DPYSL5: variants seen among roughly 807,000 people sequenced by gnomAD.
DPYSL5 encodes dihydropyrimidinase-related protein 5.
In DPYSL5, 9 loss-of-function variants were observed where a neutral mutation model predicts 58.4. That is an observed-to-expected ratio of 0.15 (90% CI 0.09 to 0.27). The LOEUF (loss-of-function observed/expected upper bound fraction) is 0.27. Ranked by LOEUF, DPYSL5 falls within the 10% of genes least tolerant of loss-of-function variation. The pLI, the probability that DPYSL5 is intolerant of heterozygous loss-of-function variation, is 1.00. For synonymous variants in DPYSL5, 293 were observed against 301.9 expected (o/e 0.97, Z 0.31); for missense variants, 499 against 770.6 (o/e 0.65, Z 4.17).
chr2:26,889,293 G>A (rs190921721), intron 1 of DPYSL5, among the ~76,000 whole-genome samples: 6 of 149,466 alleles, frequency 4.0e-5, no homozygotes, highest in Non-Finnish European at 5.9e-5. Flanking sequence ...TTTTTGAGAC[G>A]GAGTCTTGCT....
chr2:26,917,311 G>A (rs547109873), intron 2 of DPYSL5, among the ~76,000 whole-genome samples: 2 of 152,322 alleles, frequency 1.3e-5, no homozygotes, highest in East Asian at 3.9e-4. Context: ...GTAAAAGGAA[G>A]TTTAGGAGTG....
chr2:26,929,795 T>C lies in DPYSL5; in HGVS notation c.669+1472T>C, dbSNP rs142509358. Among the ~76,000 whole-genome samples the C allele has an allele frequency of 7.9e-5, 12 of 152,382 alleles. No homozygotes were observed. In the East Asian group the frequency reaches 2.1e-3, roughly 27 times the overall value. ...CTGGCTTTATCCCTGTGCACAGTTT[T>C]GCATGGCATTGACACAAATCCCCTA... On this transcript the variant is annotated intron_variant, in intron 5 of 12. Coordinates refer to ENST00000288699, the MANE Select transcript of DPYSL5 (RefSeq NM_020134.4).
chr2:26,868,425 A>G (rs547834198), intron 1 of DPYSL5, among the ~76,000 whole-genome samples: 3 of 152,288 alleles, frequency 2.0e-5, no homozygotes, highest in Admixed American at 1.3e-4. Context: ...CCTTGGTGGT[A>G]CGCAGTCTCC....
At chr2:26,869,738 G>A (rs1462165652) in intron 1 of DPYSL5, among the ~76,000 whole-genome samples, 2 of 152,110 alleles carry the variant, frequency 1.3e-5, no homozygotes, top group African/African-American at 2.4e-5. Flanking sequence ...TCGGCCGGAC[G>A]CGGTGGCTCA....
At chr2:26,853,553 G>C (rs900261393) in intron 1 of DPYSL5, among the ~76,000 whole-genome samples, 1 of 152,192 alleles carries the variant, frequency 6.6e-6, no homozygotes, top group Non-Finnish European at 1.5e-5. Context: ...ATTACCATCT[G>C]TATCAGTTCT....
intron 2 of DPYSL5, among the ~76,000 whole-genome samples, chr2:26,906,727 C>G (rs182038364): frequency 1.1e-3 from 162 of 152,292 alleles, no homozygotes; most frequent in Non-Finnish European, 1.9e-3. Flanking sequence ...TACATCTCCA[C>G]TCCACCTATT....
At position 26,926,566 on chromosome 2, in the gene DPYSL5, C is replaced by A. The variant is rs145104677; in HGVS notation, c.421-687C>A. Among the ~76,000 whole-genome samples the A allele has an allele frequency of 3.3e-5, 5 of 152,332 alleles. No homozygotes were observed. The East Asian group carries it at 5.8e-4, about 18-fold the overall frequency. ...AAGTACATAATCCAGTAACCCCCAGCACCATCCCTGCTGTTAAACTTCTTT... is the reference window on the plus strand; with the variant it reads ...AAGTACATAATCCAGTAACCCCCAGAACCATCCCTGCTGTTAAACTTCTTT... On this transcript the variant is annotated intron_variant, in intron 3 of 12. Transcript: ENST00000288699.
chr2:26,862,691 A>G (rs979050037), intron 1 of DPYSL5, among the ~76,000 whole-genome samples: 5 of 152,118 alleles, frequency 3.3e-5, no homozygotes, highest in African/African-American at 1.2e-4. Context: ...TGTGTGCCTG[A>G]CTGTGACAAG....
At chr2:26,880,077 A>T (rs1663517848) in intron 1 of DPYSL5, among the ~76,000 whole-genome samples, 1 of 151,984 alleles carries the variant, frequency 6.6e-6, no homozygotes, top group South Asian at 2.1e-4. Context: ...TTTTGTAGAG[A>T]CAGAGTCTCA....
chr2:26,851,723 A>G (rs1429086469), intron 1 of DPYSL5, among the ~76,000 whole-genome samples: 1 of 152,166 alleles, frequency 6.6e-6, no homozygotes, highest in Non-Finnish European at 1.5e-5. Flanking sequence ...CAGGAGGATC[A>G]CTTGAGGTCA....
intron 2 of DPYSL5, among the ~76,000 whole-genome samples, chr2:26,921,496 G>A (rs903202555): frequency 1.3e-5 from 2 of 151,750 alleles, no homozygotes; most frequent in Non-Finnish European, 2.9e-5. Flanking sequence ...CCTTGCTGCC[G>A]ATTTCTACAA....
chr2:26,873,107 A>G lies in DPYSL5; in HGVS notation c.-5+24853A>G, dbSNP rs548693058. 2.0e-5 allele frequency among the ~76,000 whole-genome samples: 3 copies of G among 152,202 alleles called. No individual in the cohort carries two copies. The South Asian group carries it at 6.2e-4, about 32-fold the overall frequency. On this transcript the variant is annotated intron_variant, in intron 1 of 12. Transcript: ENST00000288699. ...CTTAGTGCTAAATGCAATTCCTACT[A>G]TATTATATGTTTTTTTACTTCTTTT...
At chr2:26,940,274 A>G in intron 9 of DPYSL5, 102 bp downstream of exon 9, 1 of 1,412,924 alleles carries the variant, frequency 7.1e-7, no homozygotes, top group Middle Eastern at 2.5e-4. Context: ...GATCCTGTCA[A>G]AGAATGTTCT....
chr2:26,921,585 G>A (rs1288071289), intron 2 of DPYSL5, among the ~76,000 whole-genome samples: 1 of 152,208 alleles, frequency 6.6e-6, no homozygotes, highest in Non-Finnish European at 1.5e-5. Flanking sequence ...GAGCTTGTCA[G>A]CATTCATCCT....
intron 1 of DPYSL5, among the ~76,000 whole-genome samples, chr2:26,860,389 G>A (rs900094859): frequency 2.6e-5 from 4 of 152,192 alleles, no homozygotes; most frequent in Non-Finnish European, 4.4e-5. Flanking sequence ...TGTCCTGACT[G>A]CTTTGATGTC....
rs377135106 is a variant in DPYSL5 at position 26,942,530 on chromosome 2, G to T, written c.1233-13G>T. The stretch of plus-strand genomic sequence containing the variant: ...CCTCAGCGCTTTCTCTCCCGCCATT[G>T]CCTCCCCACCAGGACCATCTCAGCC... On this transcript the variant is annotated splice_polypyrimidine_tract_variant and intron_variant, in intron 10 of 12. Transcript: ENST00000288699. This position sits in a 1 kb window ranked among gnomAD's most constrained non-coding sequence, Gnocchi z 5.9. 6 of 1,611,790 alleles carry T rather than the reference G, an allele frequency of 3.7e-6. No individual in the cohort carries two copies. The African/African-American group carries it at 6.7e-5, about 18-fold the overall frequency.
chr2:26,932,618 C>T (rs1188231697), intron 6 of DPYSL5, among the ~76,000 whole-genome samples: 1 of 152,142 alleles, frequency 6.6e-6, no homozygotes, highest in African/African-American at 2.4e-5. Context: ...AGGAAAGACC[C>T]AAACAACAAA....
chr2:26,929,286 G>A (rs1209237104), intron 5 of DPYSL5, among the ~76,000 whole-genome samples: 1 of 152,108 alleles, frequency 6.6e-6, no homozygotes, highest in East Asian at 1.9e-4. Flanking sequence ...AGGCTGTAGT[G>A]CAATGGCGCA....
rs1198393730 is a variant in DPYSL5, at chr2:26,925,967, C to T, written c.420+922C>T. Among the ~76,000 whole-genome samples the T allele has an allele frequency of 6.6e-6, 1 of 152,220 alleles. No individual in the cohort carries two copies. Among genetic ancestry groups the T allele is most frequent in the East Asian group, 1.9e-4 (1 of 5,202 alleles). On this transcript the variant is annotated intron_variant, in intron 3 of 12. Transcript: ENST00000288699. This position sits in a 1 kb window ranked among gnomAD's most constrained non-coding sequence, Gnocchi z 4.5. ...AAACCCACTTGTAACTGCTGCTAAT[C>T]AGAGTGTATATTCAGGGCAGCTTGA...
Sources: gnomAD v4.1 joint callset for allele counts (sites outside exome capture counted in the v4.1 genomes callset) on GRCh38, gnomAD v4.1.1 for gene constraint, Gnocchi (gnomAD v3.1) non-coding constraint, MANE v1.5 for transcripts, NCBI Gene and HGNC (gene_info 2026-07-23, HGNC 2026-07-21) for gene names.